Variants in REEP6 observed in about 807,000 individuals in gnomAD.
REEP6 encodes the protein receptor expression-enhancing protein 6.
REEP6 carries 19 observed loss-of-function variants against 22.4 expected under a neutral mutation model. That is an observed-to-expected ratio of 0.85 (90% CI 0.59 to 1.25). REEP6 has a LOEUF of 1.25. Among genes scored for constraint, REEP6 ranks in the 50% most tolerant of loss-of-function variants. The probability of loss-of-function intolerance (pLI) is 0.00; values close to 1 mark genes in which losing one functional copy is unlikely to be tolerated. For missense variants in REEP6, 273 were observed against 251.9 expected (o/e 1.08, Z -0.57); for synonymous variants, 121 against 113.6 (o/e 1.06, Z -0.41).
At chr19:1,493,798 T>C (rs999284336) in intron 1 of REEP6, among the ~76,000 whole-genome samples, 1 of 151,518 alleles carries the variant, frequency 6.6e-6, no homozygotes, top group African/African-American at 2.4e-5. Context: ...TTAATAAATG[T>C]GCAGAAAGGC....
Position 1,491,776 on chromosome 19 carries a change from G to A in REEP6, c.115+392G>A, listed in dbSNP as rs561615617. ...GTAGAGATCTTCCCGTTTTTCTGAGGGGAGGCTCCTGGCGGGAAGGGGAAC... is the reference window on the plus strand; with the variant it reads ...GTAGAGATCTTCCCGTTTTTCTGAGAGGAGGCTCCTGGCGGGAAGGGGAAC... On this transcript the variant is annotated intron_variant, in intron 1 of 4. Transcript: ENST00000233596. The surrounding 1 kb of genome is among the most constrained non-coding windows in gnomAD (Gnocchi z 5.4). Among the ~76,000 whole-genome samples, 9 of 152,154 alleles carry A rather than the reference G, an allele frequency of 5.9e-5. No individual in the cohort carries two copies. Among genetic ancestry groups the A allele is most frequent in the Non-Finnish European group, 1.2e-4 (8 of 68,018 alleles).
Position 1,494,566 on chromosome 19 carries a change from T to C in REEP6, c.116-728T>C, listed in dbSNP as rs2084990375. 1.3e-5 allele frequency among the ~76,000 whole-genome samples: 2 copies of C among 152,118 alleles called. 1 individual carries two copies. The highest frequency in any genetic ancestry group is 4.1e-4 in the South Asian group (2 of 4,826). On this transcript the variant is annotated intron_variant, in intron 1 of 4. Transcript: ENST00000233596. ...AGATGAAACAGTTGCCTTTCTCAGCTCTAGAATCAAGTCTTCATGACAGCC... is the reference window on the plus strand; with the variant it reads ...AGATGAAACAGTTGCCTTTCTCAGCCCTAGAATCAAGTCTTCATGACAGCC...
intron 1 of REEP6, among the ~76,000 whole-genome samples, chr19:1,492,742 C>G (rs1713911625): frequency 6.6e-6 from 1 of 152,056 alleles, no homozygotes; most frequent in South Asian, 2.1e-4. Context: ...CAGTTCCCCC[C>G]CAATTTTCCC....
rs572784990 is a variant in REEP6 at position 1,491,718 on chromosome 19, C to A, written c.115+334C>A. ...AGTGTCCTGCGCGTTTCGCCGTCCC[C>A]CTTCCCCCGTGGACCCCGGCCTGGC... is the stretch of plus-strand genomic sequence containing the variant. On this transcript the variant is annotated intron_variant, in intron 1 of 4. Coordinates refer to ENST00000233596, the MANE Select transcript of REEP6 (RefSeq NM_138393.4). This position sits in a 1 kb window ranked among gnomAD's most constrained non-coding sequence, Gnocchi z 5.4. Among the ~76,000 whole-genome samples the A allele has an allele frequency of 6.6e-6, 1 of 152,238 alleles. No individual in the cohort carries two copies. Among genetic ancestry groups the A allele is most frequent in the Non-Finnish European group, 1.5e-5 (1 of 68,036 alleles).
intron 4 of REEP6, 96 bp downstream of exon 4, chr19:1,496,549 C>A (rs1188244020): frequency 3.6e-6 from 5 of 1,377,578 alleles, no homozygotes; most frequent in Non-Finnish European, 5.1e-6. Context: ...TGGCCGCCCC[C>A]TCTCACTGTC....
At position 1,495,440 on chromosome 19, in the gene REEP6, C is replaced by T. The variant is rs888415176; in HGVS notation, c.210-29C>T. The T allele has an allele frequency of 1.9e-6, 3 of 1,613,678 alleles. No homozygotes were observed. In the African/African-American group the frequency reaches 4.0e-5, roughly 22 times the overall value. On this transcript the variant is annotated intron_variant, in intron 2 of 4. Transcript: ENST00000233596. ...GGGGGTTCTGGGGGCTCCCTGGCAG[C>T]CCCTGACCCTGCTGCACCCTCCCTG...
At position 1,491,473 on chromosome 19, in the gene REEP6, G is replaced by GGGGTC. The variant is rs1454969393; in HGVS notation, c.115+90_115+94dup. 9.4e-6 allele frequency: 9 copies of GGGGTC among 962,322 alleles called. No homozygotes were observed. Among genetic ancestry groups the GGGGTC allele is most frequent in the Non-Finnish European group, 1.3e-5 (9 of 706,286 alleles). The allele number at this position is 962,322 out of a possible 1,614,324, so 59.6% of individuals were successfully genotyped here. A position where few individuals can be genotyped will look rare whatever the true frequency, so the allele number is the denominator to read the frequency against. ...CAGACCGGACTCCTTCCCCGGCTACGGGGTCCGGTCCGGCCGGTGGAGCGC... is the reference window on the plus strand; with the variant it reads ...CAGACCGGACTCCTTCCCCGGCTACGGGGTCGGGTCCGGTCCGGCCGGTGGAGCGC... On this transcript the variant is annotated intron_variant, in intron 1 of 4. Coordinates refer to ENST00000233596, the MANE Select transcript of REEP6 (RefSeq NM_138393.4). The surrounding 1 kb of genome is among the most constrained non-coding windows in gnomAD (Gnocchi z 5.4).
chr19:1,497,296 C>A lies in REEP6; in HGVS notation c.*85C>A. The A allele has an allele frequency of 8.0e-7, 1 of 1,255,060 alleles. No individual in the cohort carries two copies. The highest frequency in any genetic ancestry group is 1.1e-6 in the Non-Finnish European group (1 of 876,572). The allele number at this position is 1,255,060 out of a possible 1,614,324, so 77.7% of individuals were successfully genotyped here. On this transcript the variant is annotated 3_prime_UTR_variant, in exon 5 of 5. Transcript: ENST00000233596. The surrounding 1 kb of genome is among the most constrained non-coding windows in gnomAD (Gnocchi z 6.5). Reference sequence around the variant, plus strand: ...TCCCAGGCCTCCACAGAGTCTTCAGCGCATCCCCCAACAGCAGCCCCTGCC... The same window carrying A: ...TCCCAGGCCTCCACAGAGTCTTCAGAGCATCCCCCAACAGCAGCCCCTGCC...
At chr19:1,496,495 G>C (rs758839317) in intron 4 of REEP6, 42 bp downstream of exon 4, 2 of 1,599,416 alleles carry the variant, frequency 1.3e-6, no homozygotes, top group South Asian at 1.1e-5. Flanking sequence ...GCCATCTCCC[G>C]GGTCTGGACC....
chr19:1,495,412 G>C (rs368692716), intron 2 of REEP6, 25 bp downstream of exon 2: 1 of 1,613,794 alleles, frequency 6.2e-7, no homozygotes, highest in Non-Finnish European at 8.5e-7. Context: ...GGCTGCCCAC[G>C]CGGGGGGTTC....
In REEP6 at chr19:1,497,751, G is replaced by T. The variant is rs1362129192; in HGVS notation, c.*540G>T. 6.4e-6 allele frequency: 3 copies of T among 470,674 alleles called. No homozygotes were observed. Among genetic ancestry groups the T allele is most frequent in the Non-Finnish European group, 1.3e-5 (3 of 227,142 alleles). The allele number at this position is 470,674 out of a possible 1,614,324, so 29.2% of individuals were successfully genotyped here. A position where few individuals can be genotyped will look rare whatever the true frequency, so the allele number is the denominator to read the frequency against. On this transcript the variant is annotated 3_prime_UTR_variant, in exon 5 of 5. Coordinates refer to ENST00000233596, the MANE Select transcript of REEP6 (RefSeq NM_138393.4). This position sits in a 1 kb window ranked among gnomAD's most constrained non-coding sequence, Gnocchi z 6.5. The stretch of plus-strand genomic sequence containing the variant: ...ATCGTCGAAACAGCCTGCCAGCAGC[G>T]CCTCAGTGCCCGAGCTGGTCCCCTG...
Position 1,497,731 on chromosome 19 carries a change from C to T in REEP6, c.*520C>T, listed in dbSNP as rs147314407. ...AGCGGACAGCGCCAGAAGGAATCGT[C>T]GAAACAGCCTGCCAGCAGCGCCTCA... On this transcript the variant is annotated 3_prime_UTR_variant, in exon 5 of 5. Transcript: ENST00000233596. The surrounding 1 kb of genome is among the most constrained non-coding windows in gnomAD (Gnocchi z 6.5). 14 of 471,434 alleles carry T rather than the reference C, an allele frequency of 3.0e-5. No homozygotes were observed. Among genetic ancestry groups the T allele is most frequent in the Middle Eastern group, 6.5e-4 (2 of 3,080 alleles). 29.2% of individuals were successfully genotyped at this position (471,434 alleles called of 1,614,324 possible). A position where few individuals can be genotyped will look rare whatever the true frequency, so the allele number is the denominator to read the frequency against.
rs767388576 is a variant in REEP6 at position 1,497,352 on chromosome 19, G to A, written c.*141G>A. 4 of 829,998 alleles carry A rather than the reference G, an allele frequency of 4.8e-6. No homozygotes were observed. The highest frequency in any genetic ancestry group is 1.4e-5 in the South Asian group (1 of 69,786). 51.4% of individuals were successfully genotyped at this position (829,998 alleles called of 1,614,324 possible). ...CTCGGGTCCAGGCAAGGCCCTGGGG[G>A]TCTCCTTAAATGCCACCTCGGGCAA... is the stretch of plus-strand genomic sequence containing the variant. On this transcript the variant is annotated 3_prime_UTR_variant, in exon 5 of 5. Transcript: ENST00000233596. The surrounding 1 kb of genome is among the most constrained non-coding windows in gnomAD (Gnocchi z 6.5).
rs1266402738 is a variant in REEP6, at chr19:1,491,231, G to C, written c.-39G>C. ...CAGCGGGGTGGGTGCCCTGGTCCGC[G>C]GGCGAGCTCGAGCAGCCAACCCCGG... On this transcript the variant is annotated 5_prime_UTR_variant, in exon 1 of 5. Coordinates refer to ENST00000233596, the MANE Select transcript of REEP6 (RefSeq NM_138393.4). This position sits in a 1 kb window ranked among gnomAD's most constrained non-coding sequence, Gnocchi z 5.4. 2.9e-6 allele frequency: 4 copies of C among 1,398,632 alleles called. No individual in the cohort carries two copies. Among genetic ancestry groups the C allele is most frequent in the Admixed American group, 2.8e-5 (1 of 35,984 alleles). 86.6% of individuals were successfully genotyped at this position (1,398,632 alleles called of 1,614,324 possible). A position where few individuals can be genotyped will look rare whatever the true frequency, so the allele number is the denominator to read the frequency against.
intron 1 of REEP6, 145 bp from the exon 2 acceptor site, chr19:1,495,149 C>T: frequency 1.4e-6 from 1 of 715,576 alleles, no homozygotes; most frequent in Non-Finnish European, 2.4e-6. Flanking sequence ...TGTACAGGCA[C>T]ATCAGGGGCA....
chr19:1,493,490 C>G (rs1016370887), intron 1 of REEP6, among the ~76,000 whole-genome samples: 1 of 152,140 alleles, frequency 6.6e-6, no homozygotes, highest in Non-Finnish European at 1.5e-5. Context: ...CTATCTCACT[C>G]TGCAGATAGC....
At chr19:1,496,662 G>C (rs1038646824) in intron 4 of REEP6, 1 of 736,660 alleles carries the variant, frequency 1.4e-6, no homozygotes, top group African/African-American at 1.7e-5. Flanking sequence ...CACTCCCCTG[G>C]AAGCTGACCG....
rs115807874 is a variant in REEP6 at position 1,492,826 on chromosome 19, G to A, written c.115+1442G>A. 5.8e-3 allele frequency among the ~76,000 whole-genome samples: 889 copies of A among 152,320 alleles called. 13 individuals carry two copies. The highest frequency in any genetic ancestry group is 0.02 in the African/African-American group (852 of 41,564). ...TGTGCCCACACCCTGGAGGTCCCCA[G>A]GTGCCTGGTCCCATGTGCAGCGCAG... On this transcript the variant is annotated intron_variant, in intron 1 of 4. Transcript: ENST00000233596.
intron 3 of REEP6, chr19:1,495,919 A>C (rs1392079033): frequency 1.9e-5 from 10 of 531,372 alleles, no homozygotes; most frequent in African/African-American, 4.0e-5. Context: ...AAGCCTGCTC[A>C]AATAGGATGT....
Sources: allele counts gnomAD v4.1 joint callset (sites outside exome capture counted in the v4.1 genomes callset), GRCh38; gene constraint gnomAD v4.1.1; non-coding constraint Gnocchi (gnomAD v3.1); transcripts MANE v1.5; gene names NCBI Gene and HGNC (gene_info 2026-07-23, HGNC 2026-07-21).